Variants in PPFIA2 observed in about 807,000 individuals in gnomAD.
PPFIA2 encodes the protein PPFI scaffold protein A2.
In PPFIA2, 46 loss-of-function variants were observed where a neutral mutation model predicts 175.5. The observed-to-expected ratio is 0.26, with a 90% CI of 0.21 to 0.34. The LOEUF is 0.34. Ranked by LOEUF, PPFIA2 falls within the 10% of genes least tolerant of loss-of-function variation. The pLI is 1.00. For synonymous variants in PPFIA2, 568 were observed against 511.4 expected, an observed-to-expected ratio of 1.11 and a Z score of -1.49; for missense variants, 1,179 against 1,506.1, an observed-to-expected ratio of 0.78 and a Z score of 3.60.
intron 14 of PPFIA2, among the ~76,000 whole-genome samples, chr12:81,365,127 A>T (rs976009385): frequency 7.9e-5 from 12 of 151,834 alleles, no homozygotes; most frequent in African/African-American, 2.9e-4. Context: ...AGATGAAGTC[A>T]CTAGGGGTGA....
intron 4 of PPFIA2, chr12:81,545,361 T>C (rs538546950): frequency 6.6e-6 from 1 of 152,298 alleles, no homozygotes; most frequent in South Asian, 2.1e-4. Context: ...GAGGCAGTTG[T>C]TGTTCTCGGG....
At chr12:81,445,404 T>C (rs1403406502) in intron 6 of PPFIA2, among the ~76,000 whole-genome samples, 152 bp downstream of exon 6, 1 of 152,208 alleles carries the variant, frequency 6.6e-6, no homozygotes, top group African/African-American at 2.4e-5. Flanking sequence ...CAGTAATCCA[T>C]TTTCACTTTT....
At chr12:81,517,477 C>A (rs755306268) in intron 4 of PPFIA2, among the ~76,000 whole-genome samples, 6 of 152,112 alleles carry the variant, frequency 3.9e-5, no homozygotes, top group Admixed American at 2.0e-4. Flanking sequence ...AAGTTGCTGA[C>A]GAGGTGCCGA....
intron 4 of PPFIA2, among the ~76,000 whole-genome samples, chr12:81,607,627 G>T (rs2060464181): frequency 2.0e-5 from 3 of 151,984 alleles, no homozygotes; most frequent in Non-Finnish European, 4.4e-5. Context: ...AATTGCTACT[G>T]ATTTTTTAAC....
chr12:81,321,113 A>G (rs952070473), intron 22 of PPFIA2, among the ~76,000 whole-genome samples: 1 of 152,038 alleles, frequency 6.6e-6, no homozygotes, highest in African/African-American at 2.4e-5. Context: ...AAGAATGGCA[A>G]TCAATTGATC....
chr12:81,316,571 T>C lies in PPFIA2; in HGVS notation c.2642+9206A>G, dbSNP rs1397386204. 2.0e-5 allele frequency among the ~76,000 whole-genome samples: 3 copies of C among 151,696 alleles called. No individual in the cohort carries two copies. The South Asian group carries it at 6.2e-4, about 31-fold the overall frequency. ...TCTTATATCAAACATTGGAACATTA[T>C]GTGTGGCTAATTATATCAGAAAAAG... On this transcript the variant is annotated intron_variant, in intron 22 of 32. Coordinates refer to ENST00000549396, the MANE Select transcript of PPFIA2 (RefSeq NM_003625.5).
intron 4 of PPFIA2, among the ~76,000 whole-genome samples, chr12:81,557,318 T>C (rs2069070601): frequency 1.3e-5 from 2 of 151,914 alleles, no homozygotes; most frequent in South Asian, 2.1e-4. Context: ...TTGACTGAAC[T>C]CTGTGGGTGG....
At chr12:81,391,471 T>G (rs774774419) in intron 8 of PPFIA2, among the ~76,000 whole-genome samples, 1 of 151,876 alleles carries the variant, frequency 6.6e-6, no homozygotes, top group Non-Finnish European at 1.5e-5. Context: ...GGGTACCAGA[T>G]AGAATGACAA....
At chr12:81,334,520 C>G (rs908082123) in intron 21 of PPFIA2, among the ~76,000 whole-genome samples, 1 of 151,298 alleles carries the variant, frequency 6.6e-6, no homozygotes, top group African/African-American at 2.4e-5. Context: ...CTCCTCAACT[C>G]TGGGTCATAA....
In PPFIA2 at chr12:81,362,604, G is replaced by T. The variant is rs890500349; in HGVS notation, c.1637+89C>A. 22 of 825,728 alleles carry T rather than the reference G, an allele frequency of 2.7e-5. No homozygotes were observed. In the African/African-American group the frequency reaches 3.4e-4, roughly 13 times the overall value. 51.2% of individuals were successfully genotyped at this position (825,728 alleles called of 1,614,324 possible). A position where few individuals can be genotyped will look rare whatever the true frequency, so the allele number is the denominator to read the frequency against. ...TGACTAGTGAGCAATAGGAAGTACT[G>T]ATTTATTTTAGTTGAGGACATATGA... is the stretch of plus-strand genomic sequence containing the variant. On this transcript the variant is annotated intron_variant, in intron 15 of 32. Coordinates refer to ENST00000549396, the MANE Select transcript of PPFIA2 (RefSeq NM_003625.5).
chr12:81,646,773 A>G (rs1247858359), intron 4 of PPFIA2, among the ~76,000 whole-genome samples: 1 of 152,016 alleles, frequency 6.6e-6, no homozygotes, highest in Non-Finnish European at 1.5e-5. Flanking sequence ...TGTGAGATAA[A>G]GGGGAGTGGA....
chr12:81,695,381 G>A (rs371726270), intron 3 of PPFIA2, among the ~76,000 whole-genome samples: 17 of 152,072 alleles, frequency 1.1e-4, no homozygotes, highest in South Asian at 8.3e-4. Context: ...AAGCTCTTGC[G>A]AGATCTGGTC....
chr12:81,504,027 G>T (rs1416914388), intron 4 of PPFIA2, among the ~76,000 whole-genome samples: 1 of 151,860 alleles, frequency 6.6e-6, no homozygotes, highest in Non-Finnish European at 1.5e-5. Context: ...GTGATATATT[G>T]GAGACATTAT....
At chr12:81,497,623 G>T (rs1278453354) in intron 4 of PPFIA2, among the ~76,000 whole-genome samples, 1 of 140,054 alleles carries the variant, frequency 7.1e-6, no homozygotes, top group South Asian at 2.2e-4. Context: ...CACTGCCACT[G>T]CAGCCTCCCA....
chr12:81,550,552 T>A (rs1166974145), intron 4 of PPFIA2, among the ~76,000 whole-genome samples: 1 of 151,974 alleles, frequency 6.6e-6, no homozygotes, highest in East Asian at 1.9e-4. Flanking sequence ...TGAAACAGAT[T>A]TCCTGTTGGG....
chr12:81,270,855 T>C (rs891771445), intron 28 of PPFIA2: 13 of 152,236 alleles, frequency 8.5e-5, no homozygotes, highest in Non-Finnish European at 1.5e-4. Context: ...TTAAGGTTTG[T>C]CAGTTTTTAC....
chr12:81,328,130 T>C (rs775506168), intron 21 of PPFIA2, among the ~76,000 whole-genome samples: 2 of 152,182 alleles, frequency 1.3e-5, no homozygotes, highest in Admixed American at 6.6e-5. Flanking sequence ...TTCACTCATC[T>C]AATGTTTATC....
chr12:81,344,727 A>G, intron 18 of PPFIA2, 34 bp from the exon 19 acceptor site: 1 of 1,481,824 alleles, frequency 6.7e-7, no homozygotes, highest in Non-Finnish European at 9.2e-7. Context: ...ATAAAACACA[A>G]TTAATTAAGA....
At position 81,374,541 on chromosome 12, in the gene PPFIA2, AT is replaced by A. The variant is rs2141674146; in HGVS notation, c.1266+92del. 14 of 1,397,484 alleles carry A rather than the reference AT, an allele frequency of 1.0e-5. No homozygotes were observed. The South Asian group carries it at 1.6e-4, about 16-fold the overall frequency. The allele number at this position is 1,397,484 out of a possible 1,614,324, so 86.6% of individuals were successfully genotyped here. A position where few individuals can be genotyped will look rare whatever the true frequency, so the allele number is the denominator to read the frequency against. On this transcript the variant is annotated intron_variant, in intron 11 of 32. Transcript: ENST00000549396. ...ATAATAGAGATTAAACTTAATTTTC[AT>A]AAAGCCTATAGAAAATCTTTACACA...
Sources: gnomAD v4.1 joint callset for allele counts (sites outside exome capture counted in the v4.1 genomes callset) on GRCh38, gnomAD v4.1.1 for gene constraint, MANE v1.5 for transcripts, NCBI Gene and HGNC (gene_info 2026-07-23, HGNC 2026-07-21) for gene names.